KDM4B: variants seen among roughly 807,000 people sequenced by gnomAD.
KDM4B encodes lysine demethylase 4B, also known as lysine-specific demethylase 4B.
Under a neutral mutation model 125.2 loss-of-function variants are expected in KDM4B, and 32 were observed. The ratio of observed to expected loss-of-function variants is 0.26; its 90% CI spans 0.19 to 0.34. The LOEUF (loss-of-function observed/expected upper bound fraction) is 0.34. KDM4B is among the 10% of genes least tolerant of loss of function. The probability of loss-of-function intolerance (pLI) is 1.00; values close to 1 mark genes in which losing one functional copy is unlikely to be tolerated. For missense variants in KDM4B, 1,190 were observed against 1,577.7 expected, an observed-to-expected ratio of 0.75 and a Z score of 4.16; for synonymous variants, 721 against 677.9, an observed-to-expected ratio of 1.06 and a Z score of -0.99.
intron 6 of KDM4B, among the ~76,000 whole-genome samples, chr19:5,056,968 G>A (rs1376219115): frequency 1.3e-5 from 2 of 151,616 alleles, no homozygotes. Flanking sequence ...GGCATTTCTT[G>A]CTGTGAAACA....
chr19:5,029,006 G>A (rs1224719123), intron 2 of KDM4B, among the ~76,000 whole-genome samples: 1 of 152,202 alleles, frequency 6.6e-6, no homozygotes. Flanking sequence ...TGCCTTCCCA[G>A]CTCAAGCGAT....
At chr19:5,022,945 C>T (rs557845499) in intron 2 of KDM4B, among the ~76,000 whole-genome samples, 10 of 152,166 alleles carry the variant, frequency 6.6e-5, no homozygotes, top group South Asian at 2.1e-4. Flanking sequence ...ACATGGCAGT[C>T]GTGGTGGACT....
At chr19:5,039,073 G>A (rs1385788224) in intron 3 of KDM4B, among the ~76,000 whole-genome samples, 1 of 152,242 alleles carries the variant, frequency 6.6e-6, no homozygotes, top group African/African-American at 2.4e-5. Context: ...TAGCCAGTGG[G>A]TGCAGTTCTC....
intron 4 of KDM4B, 89 bp downstream of exon 4, chr19:5,040,100 A>C: frequency 7.3e-7 from 1 of 1,367,612 alleles, no homozygotes; most frequent in Admixed American, 2.4e-5. Flanking sequence ...GGTGCGGTAC[A>C]CGCAGCCCCC....
chr19:4,983,103 T>G (rs192239504), intron 1 of KDM4B, among the ~76,000 whole-genome samples: 1 of 152,120 alleles, frequency 6.6e-6, no homozygotes, highest in South Asian at 2.1e-4. Context: ...TTCAAAACTG[T>G]TGGTGAGATG....
chr19:5,008,741 C>A (rs566557494), intron 1 of KDM4B, among the ~76,000 whole-genome samples: 70 of 151,238 alleles, frequency 4.6e-4, no homozygotes, highest in African/African-American at 1.6e-3. Context: ...TAGGCATGTA[C>A]CACCACACTT....
chr19:5,120,699 T>G (rs2146021524), intron 11 of KDM4B, among the ~76,000 whole-genome samples: 1 of 152,274 alleles, frequency 6.6e-6, no homozygotes, highest in African/African-American at 2.4e-5. Context: ...CTTCTCAGTT[T>G]AGAGCTTTAG....
intron 16 of KDM4B, 127 bp downstream of exon 16, chr19:5,137,465 GGGT>G: frequency 8.3e-7 from 1 of 1,202,232 alleles, no homozygotes; most frequent in South Asian, 1.3e-5. Flanking sequence ...TGCCCTGAGG[GGGT>G]GGAACCCAAG....
intron 3 of KDM4B, 97 bp from the exon 4 acceptor site, chr19:5,039,739 G>A: frequency 4.3e-6 from 6 of 1,381,992 alleles, no homozygotes; most frequent in Non-Finnish European, 6.0e-6. Context: ...GCAGATCTTG[G>A]GGGGTGCTGG....
intron 1 of KDM4B, among the ~76,000 whole-genome samples, chr19:4,986,334 C>A (rs550683854): frequency 2.0e-5 from 3 of 152,206 alleles, no homozygotes; most frequent in African/African-American, 7.2e-5. Flanking sequence ...GCAGTGTCTC[C>A]GTGTGCCTCC....
At chr19:4,979,379 C>T (rs1031048615) in intron 1 of KDM4B, among the ~76,000 whole-genome samples, 1 of 152,214 alleles carries the variant, frequency 6.6e-6, no homozygotes, top group Admixed American at 6.5e-5. Flanking sequence ...GAGCCTTGTC[C>T]ATTGTGGGAA....
At chr19:5,075,645 T>C (rs2145841470) in intron 7 of KDM4B, 2 of 152,328 alleles carry the variant, frequency 1.3e-5, no homozygotes, top group East Asian at 3.9e-4. Context: ...GCCAAGCTGC[T>C]GGTGTGAGTG....
At chr19:5,138,099 G>T (rs1555721018) in intron 18 of KDM4B, 29 bp downstream of exon 18, 7 of 1,561,174 alleles carry the variant, frequency 4.5e-6, no homozygotes, top group Admixed American at 3.4e-5. Context: ...GGCCCACCCT[G>T]CCCGTGCCTC....
intron 1 of KDM4B, among the ~76,000 whole-genome samples, chr19:5,003,835 T>C (rs1284458750): frequency 1.3e-5 from 2 of 152,074 alleles, no homozygotes; most frequent in African/African-American, 2.4e-5. Context: ...CTTACCCCAC[T>C]GCCTTGGGGA....
intron 1 of KDM4B, among the ~76,000 whole-genome samples, chr19:4,986,161 C>T (rs2034823797): frequency 6.6e-6 from 1 of 152,212 alleles, no homozygotes; most frequent in African/African-American, 2.4e-5. Context: ...TGATGGGGTC[C>T]TGATGTGCCC....
chr19:5,075,925 G>A (rs1201051728), intron 7 of KDM4B: 1 of 156,326 alleles, frequency 6.4e-6, no homozygotes, highest in Non-Finnish European at 1.4e-5. Flanking sequence ...CAGGTGCACA[G>A]TCTCATTCAT....
rs749926178 is a variant in KDM4B at position 5,131,511 on chromosome 19, G to T, written c.1751G>T (p.Arg584Leu). ...EDGAASSGAG[R>L]METKARAGEG... is the part of the protein sequence containing the mutation. Reference sequence around the variant, plus strand: ...GGTGCAGCCAGCAGTGGGGCAGGTCGCATGGAGACCAAAGCCCGGGCCGGA... The same window carrying T: ...GGTGCAGCCAGCAGTGGGGCAGGTCTCATGGAGACCAAAGCCCGGGCCGGA... The change falls in exon 12 of 23, where the codon CGC becomes CTC. Residue 584 changes from arginine to leucine, a missense_variant. Physicochemically the swap from Arg to Leu is moderately radical, Grantham distance 102. Around this residue, in one of 7 missense-constraint regions of KDM4B, gnomAD observed 428 missense variants for 405.1 expected, o/e 1.06. Coordinates refer to ENST00000159111, the MANE Select transcript of KDM4B (RefSeq NM_015015.3). 14 of 1,580,726 alleles carry T rather than the reference G, an allele frequency of 8.9e-6. No individual in the cohort carries two copies. Among genetic ancestry groups the T allele is most frequent in the Non-Finnish European group, 1.2e-5 (14 of 1,174,728 alleles).
intron 10 of KDM4B, chr19:5,112,059 C>A: frequency 2.0e-6 from 1 of 510,066 alleles, no homozygotes. Context: ...TTGAGACCAG[C>A]CTGGGCAACA....
chr19:5,076,933 G>A, intron 7 of KDM4B: 1 of 178,776 alleles, frequency 5.6e-6, no homozygotes. Context: ...TGTCTGGGGA[G>A]GTCGGAGGAG....
Sources: gnomAD v4.1 joint callset for allele counts (sites outside exome capture counted in the v4.1 genomes callset) on GRCh38, gnomAD v4.1.1 for gene constraint, gnomAD v4.1.1 regional missense constraint, MANE v1.5 for transcripts, NCBI Gene and HGNC (gene_info 2026-07-23, HGNC 2026-07-21) for gene names.